The following FGF10 variants were observed in gnomAD, a reference collection of about 807,000 sequenced individuals.
The protein encoded by FGF10 is fibroblast growth factor 10.
FGF10 carries 2 observed loss-of-function variants against 19.8 expected under a neutral mutation model. The ratio of observed to expected loss-of-function variants is 0.10; its 90% CI spans 0.04 to 0.32. The LOEUF (loss-of-function observed/expected upper bound fraction) is 0.32. Among genes scored for constraint, FGF10 ranks in the 10% least tolerant of loss-of-function variants. The pLI is 1.00. For missense variants in FGF10, 191 were observed against 246.3 expected (o/e 0.78, Z 1.50); for synonymous variants, 112 against 94.0 (o/e 1.19, Z -1.10).
intron 1 of FGF10, among the ~76,000 whole-genome samples, chr5:44,347,838 T>C (rs928440444): frequency 4.0e-5 from 6 of 151,716 alleles, no homozygotes; most frequent in African/African-American, 1.2e-4. Context: ...GTTTTTATTG[T>C]TCCTATAGAA....
intron 1 of FGF10, among the ~76,000 whole-genome samples, chr5:44,316,513 T>G (rs1740353788): frequency 6.6e-6 from 1 of 152,178 alleles, no homozygotes; most frequent in South Asian, 2.1e-4. Context: ...AGAATTAGAA[T>G]TCCTGGCATA....
chr5:44,336,770 T>C (rs1315469982), intron 1 of FGF10, among the ~76,000 whole-genome samples: 1 of 152,172 alleles, frequency 6.6e-6, no homozygotes, highest in Non-Finnish European at 1.5e-5. Flanking sequence ...GATAAAAGAA[T>C]ATGGTAAAAT....
intron 1 of FGF10, among the ~76,000 whole-genome samples, chr5:44,362,744 T>C (rs1741521187): frequency 6.6e-6 from 1 of 151,614 alleles, no homozygotes; most frequent in African/African-American, 2.4e-5. Flanking sequence ...CTATATATCC[T>C]TTACCCTCTG....
intron 1 of FGF10, among the ~76,000 whole-genome samples, chr5:44,346,883 G>A (rs1362790506): frequency 6.6e-6 from 1 of 151,644 alleles, no homozygotes; most frequent in South Asian, 2.1e-4. Context: ...AAATAGCTAT[G>A]CTTGGCTAGT....
chr5:44,374,330 TC>T (rs1741808109), intron 1 of FGF10, among the ~76,000 whole-genome samples: 2 of 152,278 alleles, frequency 1.3e-5, no homozygotes, highest in African/African-American at 4.8e-5. Flanking sequence ...TCTCCTCATT[TC>T]AAGATCCTTA....
intron 1 of FGF10, among the ~76,000 whole-genome samples, chr5:44,336,724 T>C (rs1415495452): frequency 2.0e-5 from 3 of 152,152 alleles, no homozygotes; most frequent in African/African-American, 7.2e-5. Context: ...TGGTAAGAAT[T>C]AAATGAGATG....
At position 44,388,572 on chromosome 5, in the gene FGF10, G is replaced by C; in HGVS notation, c.111C>G (p.Cys37Trp). 6.2e-7 allele frequency: 1 copy of C among 1,614,168 alleles called. No homozygotes were observed. ...ACACCATGTCCTGACCAAGGGCTTG[G>C]CAGGTGACAGGGACGGAAGACACCA... ...LFLVSSVPVTCQALGQDMVSP... is the reference protein window; with the variant it reads ...LFLVSSVPVTWQALGQDMVSP... The change falls in exon 1 of 3, where the codon TGC becomes TGG. Residue 37 changes from cysteine (C) to tryptophan (W), a missense_variant. Cys to Trp is a radical substitution (Grantham distance 215). Transcript: ENST00000264664.
intron 1 of FGF10, among the ~76,000 whole-genome samples, chr5:44,359,852 T>G (rs977044942): frequency 6.6e-6 from 1 of 151,494 alleles, no homozygotes; most frequent in African/African-American, 2.4e-5. Flanking sequence ...TTTCACCCCC[T>G]AACCCTTCCA....
chr5:44,316,177 C>A (rs1740345022), intron 1 of FGF10, among the ~76,000 whole-genome samples: 1 of 152,104 alleles, frequency 6.6e-6, no homozygotes, highest in Non-Finnish European at 1.5e-5. Flanking sequence ...GAGAATCTAA[C>A]TAATACCTGA....
chr5:44,325,915 A>G (rs1381668038), intron 1 of FGF10, among the ~76,000 whole-genome samples: 2 of 152,180 alleles, frequency 1.3e-5, no homozygotes, highest in Admixed American at 6.5e-5. Flanking sequence ...AAGTCTCTAT[A>G]TTTCAACAAA....
At chr5:44,361,738 T>C (rs1450425371) in intron 1 of FGF10, among the ~76,000 whole-genome samples, 1 of 151,682 alleles carries the variant, frequency 6.6e-6, no homozygotes, top group African/African-American at 2.4e-5. Context: ...TTTCACTTAA[T>C]AAATCTGCAT....
chr5:44,374,346 G>C (rs1741808282), intron 1 of FGF10, among the ~76,000 whole-genome samples: 1 of 152,030 alleles, frequency 6.6e-6, no homozygotes, highest in Non-Finnish European at 1.5e-5. Context: ...TCCTTAACTT[G>C]ATCACATTTG....
At chr5:44,348,168 T>A (rs950336273) in intron 1 of FGF10, among the ~76,000 whole-genome samples, 1 of 151,488 alleles carries the variant, frequency 6.6e-6, no homozygotes, top group Non-Finnish European at 1.5e-5. Flanking sequence ...GACTTGCAAC[T>A]TTTTTTTAAA....
At chr5:44,318,736 A>G (rs1335148243) in intron 1 of FGF10, among the ~76,000 whole-genome samples, 2 of 152,190 alleles carry the variant, frequency 1.3e-5, no homozygotes, top group Non-Finnish European at 2.9e-5. Flanking sequence ...GATTAGATCT[A>G]TTATGATACA....
At chr5:44,361,332 G>C (rs923213901) in intron 1 of FGF10, among the ~76,000 whole-genome samples, 1 of 151,800 alleles carries the variant, frequency 6.6e-6, no homozygotes, top group South Asian at 2.1e-4. Context: ...GCACTCATGA[G>C]AGCTTTCTAT....
chr5:44,323,569 A>T (rs1740545395), intron 1 of FGF10, among the ~76,000 whole-genome samples: 1 of 152,152 alleles, frequency 6.6e-6, no homozygotes, highest in Admixed American at 6.5e-5. Context: ...AATCCAACAT[A>T]TATGCATTAT....
At chr5:44,357,891 T>C (rs1198704620) in intron 1 of FGF10, among the ~76,000 whole-genome samples, 1 of 151,408 alleles carries the variant, frequency 6.6e-6, no homozygotes, top group Admixed American at 6.6e-5. Context: ...GGAAGACCTG[T>C]TGGAATAATG....
At chr5:44,317,170 C>T (rs1740370323) in intron 1 of FGF10, among the ~76,000 whole-genome samples, 1 of 152,102 alleles carries the variant, frequency 6.6e-6, no homozygotes, top group Non-Finnish European at 1.5e-5. Context: ...CTCTGGTTGC[C>T]TTTTTAGTAT....
chr5:44,389,180 C>A lies in FGF10; in HGVS notation c.-498G>T. The A allele has an allele frequency of 4.9e-6, 1 of 204,482 alleles. No homozygotes were observed. Among genetic ancestry groups the A allele is most frequent in the Non-Finnish European group, 1.0e-5 (1 of 98,162 alleles). The allele number at this position is 204,482 out of a possible 1,614,324, so 12.7% of individuals were successfully genotyped here. On this transcript the variant is annotated 5_prime_UTR_variant, in exon 1 of 3. Coordinates refer to ENST00000264664, the MANE Select transcript of FGF10 (RefSeq NM_004465.2). ...TCTCTCTCTGCGGAGCCCCAGCCTGCGAGCCACTTCTACAAGTATATCCCT... is the reference window on the plus strand; with the variant it reads ...TCTCTCTCTGCGGAGCCCCAGCCTGAGAGCCACTTCTACAAGTATATCCCT...
Sources: gnomAD v4.1 joint callset for allele counts (sites outside exome capture counted in the v4.1 genomes callset) on GRCh38, gnomAD v4.1.1 for gene constraint, MANE v1.5 for transcripts, NCBI Gene and HGNC (gene_info 2026-07-23, HGNC 2026-07-21) for gene names.